The following XYLT1 variants were observed in gnomAD, a reference collection of about 807,000 sequenced individuals.
XYLT1 encodes the protein xylosyltransferase 1.
A neutral mutation model predicts 91.3 loss-of-function variants in XYLT1; 36 were observed. That is an observed-to-expected ratio of 0.39 (90% CI 0.30 to 0.52). The LOEUF (loss-of-function observed/expected upper bound fraction) is 0.52, where lower values mean the gene tolerates loss of function less well. Ranked by LOEUF, XYLT1 falls within the 20% of genes least tolerant of loss-of-function variation. XYLT1 has a pLI of 0.68. For synonymous variants in XYLT1, 588 were observed against 532.0 expected (o/e 1.11, Z -1.45); for missense variants, 1,242 against 1,284.5 (o/e 0.97, Z 0.51).
intron 1 of XYLT1, among the ~76,000 whole-genome samples, chr16:17,383,628 C>T (rs1476241679): frequency 1.3e-5 from 2 of 151,898 alleles, no homozygotes; most frequent in African/African-American, 4.8e-5. Flanking sequence ...ATCAAGAACT[C>T]GCTTATGTCA....
intron 5 of XYLT1, among the ~76,000 whole-genome samples, chr16:17,188,064 A>G (rs8058164): frequency 1.6e-3 from 240 of 151,732 alleles, no homozygotes; most frequent in Middle Eastern, 6.8e-3. Flanking sequence ...CCTGGCTCTG[A>G]GTGACTAAAA....
At chr16:17,391,339 C>T (rs1433799639) in intron 1 of XYLT1, among the ~76,000 whole-genome samples, 1 of 152,184 alleles carries the variant, frequency 6.6e-6, no homozygotes, top group African/African-American at 2.4e-5. Context: ...TTCCACCCAC[C>T]CCTGTGATTG....
intron 1 of XYLT1, among the ~76,000 whole-genome samples, chr16:17,358,946 A>T (rs966121139): frequency 2.6e-5 from 4 of 152,114 alleles, no homozygotes; most frequent in Non-Finnish European, 4.4e-5. Flanking sequence ...ACTCTGTACA[A>T]AAGCCGATTG....
intron 1 of XYLT1, among the ~76,000 whole-genome samples, chr16:17,463,094 A>T (rs1230044912): frequency 6.6e-6 from 1 of 152,200 alleles, no homozygotes; most frequent in Non-Finnish European, 1.5e-5. Flanking sequence ...TAGATTAAAG[A>T]CTTAAATCTA....
intron 1 of XYLT1, among the ~76,000 whole-genome samples, chr16:17,411,919 G>T (rs1371341210): frequency 6.6e-6 from 1 of 152,046 alleles, no homozygotes; most frequent in Non-Finnish European, 1.5e-5. Context: ...TCACAATCCG[G>T]CTGCCCATCA....
At chr16:17,296,272 G>A (rs919874575) in intron 2 of XYLT1, among the ~76,000 whole-genome samples, 5 of 152,144 alleles carry the variant, frequency 3.3e-5, no homozygotes, top group African/African-American at 7.2e-5. Flanking sequence ...CAAGGCCTGG[G>A]GGGTGTTGGG....
intron 2 of XYLT1, among the ~76,000 whole-genome samples, chr16:17,267,868 A>T (rs2033830070): frequency 6.6e-6 from 1 of 151,806 alleles, no homozygotes; most frequent in South Asian, 2.1e-4. Flanking sequence ...ACCCAATCTA[A>T]TGAGGCTGTT....
intron 10 of XYLT1, among the ~76,000 whole-genome samples, chr16:17,126,417 T>A (rs2030262685): frequency 6.6e-6 from 1 of 152,178 alleles, no homozygotes; most frequent in African/African-American, 2.4e-5. Context: ...TGCCAGTAAT[T>A]TATGGAATGG....
intron 2 of XYLT1, among the ~76,000 whole-genome samples, chr16:17,264,047 T>C (rs2033765159): frequency 6.6e-6 from 1 of 152,226 alleles, no homozygotes; most frequent in Non-Finnish European, 1.5e-5. Context: ...TGTATTATTG[T>C]TGACTATGCA....
rs74010724 is a variant in XYLT1 at position 17,166,416 on chromosome 16, A to T, written c.1290-7507T>A. 3.2e-3 allele frequency among the ~76,000 whole-genome samples: 483 copies of T among 152,216 alleles called. 4 individuals are homozygous for T. The highest frequency in any genetic ancestry group is 0.011 in the African/African-American group (470 of 41,530). ...AAGTAAGTATTCACTGCTTAATGCA[A>T]GCCCAAGTAGAGGCCCGGTATGCAG... On this transcript the variant is annotated intron_variant, in intron 5 of 11. Coordinates refer to ENST00000261381, the MANE Select transcript of XYLT1 (RefSeq NM_022166.4).
chr16:17,336,333 ACTGTCATCTGATTCTGTTTT>A (rs2034978885), intron 2 of XYLT1, among the ~76,000 whole-genome samples: 1 of 152,226 alleles, frequency 6.6e-6, no homozygotes, highest in Admixed American at 6.5e-5. Flanking sequence ...GTTTCCCAAT[ACTGTCATCTGATTCTGTTTT>A]CTGTCAGGGA....
chr16:17,427,287 C>T (rs1025199410), intron 1 of XYLT1, among the ~76,000 whole-genome samples: 31 of 152,232 alleles, frequency 2.0e-4, no homozygotes, highest in Admixed American at 3.9e-4. Context: ...CCAAGTCAAG[C>T]TCTGCCTTTT....
intron 2 of XYLT1, among the ~76,000 whole-genome samples, chr16:17,346,209 T>G (rs1158585493): frequency 6.6e-6 from 1 of 152,162 alleles, no homozygotes; most frequent in Non-Finnish European, 1.5e-5. Flanking sequence ...GTCTGCTGCA[T>G]AGACCATGAC....
At chr16:17,138,143 T>G in intron 8 of XYLT1, 1 of 512,874 alleles carries the variant, frequency 1.9e-6, no homozygotes, top group Non-Finnish European at 3.4e-6. Context: ...TTTGTTGTTT[T>G]TGGGTTAATG....
chr16:17,434,572 T>C (rs918953453), intron 1 of XYLT1, among the ~76,000 whole-genome samples: 4 of 151,992 alleles, frequency 2.6e-5, no homozygotes, highest in Admixed American at 6.6e-5. Flanking sequence ...AAAAAAACAA[T>C]GGGGCCAGGC....
intron 1 of XYLT1, among the ~76,000 whole-genome samples, chr16:17,396,962 T>G (rs2035894399): frequency 6.6e-6 from 1 of 152,144 alleles, no homozygotes; most frequent in Non-Finnish European, 1.5e-5. Flanking sequence ...AAATAAAATT[T>G]TATTGGCACA....
rs114828714 is a variant in XYLT1, at chr16:17,459,373, A to G, written c.363+11061T>C. Among the ~76,000 whole-genome samples, 364 of 152,302 alleles carry G rather than the reference A, an allele frequency of 2.4e-3. 2 individuals are homozygous for G. The highest frequency in any genetic ancestry group is 8.5e-3 in the African/African-American group (355 of 41,554). On this transcript the variant is annotated intron_variant, in intron 1 of 11. Coordinates refer to ENST00000261381, the MANE Select transcript of XYLT1 (RefSeq NM_022166.4). ...GGTGACGTAAGGAGTCCCTGTCTCA[A>G]TAAATTAACAAATAAATTTAAGAAG... is the stretch of plus-strand genomic sequence containing the variant.
chr16:17,293,949 C>T (rs2034271118), intron 2 of XYLT1, among the ~76,000 whole-genome samples: 1 of 152,154 alleles, frequency 6.6e-6, no homozygotes. Context: ...TGAGTACAGG[C>T]TCTGGGGTCA....
chr16:17,451,417 C>T (rs2036664535), intron 1 of XYLT1, among the ~76,000 whole-genome samples: 2 of 152,286 alleles, frequency 1.3e-5, no homozygotes, highest in Admixed American at 1.3e-4. Flanking sequence ...AGATGACCCT[C>T]CCCTTCTCCC....
Sources: gnomAD v4.1 joint callset for allele counts (sites outside exome capture counted in the v4.1 genomes callset) on GRCh38, gnomAD v4.1.1 for gene constraint, MANE v1.5 for transcripts, NCBI Gene and HGNC (gene_info 2026-07-23, HGNC 2026-07-21) for gene names.